Variants in WDR27 observed in about 807,000 individuals in gnomAD.
The protein encoded by WDR27 is WD repeat domain 27, also known as WD repeat-containing protein 27.
In WDR27, 100 loss-of-function variants were observed where a neutral mutation model predicts 114.4. The observed-to-expected ratio is 0.87, with a 90% CI of 0.74 to 1.03. WDR27 has a LOEUF of 1.03. Among genes scored for constraint, WDR27 ranks in the 50% least tolerant of loss-of-function variants. WDR27 has a pLI of 0.00. For missense variants in WDR27, 1,129 were observed against 1,092.9 expected (o/e 1.03, Z -0.47); for synonymous variants, 449 against 423.1 (o/e 1.06, Z -0.75).
At chr6:169,667,081 A>G in intron 6 of WDR27, 55 bp downstream of exon 6, 1 of 1,454,746 alleles carries the variant, frequency 6.9e-7, no homozygotes, top group Non-Finnish European at 9.0e-7. Flanking sequence ...TATGCTCTAG[A>G]AAAAGTGGGT....
At chr6:169,678,160 G>C (rs1780546355) in intron 2 of WDR27, among the ~76,000 whole-genome samples, 1 of 152,234 alleles carries the variant, frequency 6.6e-6, no homozygotes, top group African/African-American at 2.4e-5. Flanking sequence ...AGATATTCCA[G>C]CAGCTTACAC....
chr6:169,655,659 C>T (rs1220748202), intron 13 of WDR27, among the ~76,000 whole-genome samples: 1 of 152,152 alleles, frequency 6.6e-6, no homozygotes, highest in Non-Finnish European at 1.5e-5. Flanking sequence ...AGCTGGAGAC[C>T]CCCGAGGCTG....
chr6:169,639,236 G>T (rs948360209), intron 17 of WDR27, among the ~76,000 whole-genome samples: 1 of 152,000 alleles, frequency 6.6e-6, no homozygotes, highest in Non-Finnish European at 1.5e-5. Flanking sequence ...GTACTGCGTG[G>T]TGCTGGGTAC....
chr6:169,648,962 T>C (rs544126521), intron 15 of WDR27, among the ~76,000 whole-genome samples: 1 of 152,354 alleles, frequency 6.6e-6, no homozygotes, highest in Non-Finnish European at 1.5e-5. Context: ...TTAACAAAAA[T>C]TTATTATTTC....
intron 1 of WDR27, chr6:169,689,319 A>C (rs1375493483): frequency 1.8e-5 from 4 of 223,518 alleles, no homozygotes; most frequent in Non-Finnish European, 3.5e-5. Flanking sequence ...CTGTCAAATG[A>C]GAACAGTTAC....
chr6:169,667,824 T>C (rs953951381), intron 5 of WDR27, among the ~76,000 whole-genome samples, 158 bp downstream of exon 5: 5 of 152,218 alleles, frequency 3.3e-5, no homozygotes, highest in Admixed American at 6.5e-5. Context: ...GGCTTGGCGT[T>C]TCTGTGGAAA....
chr6:169,659,127 C>A lies in WDR27; in HGVS notation c.1278G>T (p.Gln426His). The A allele has an allele frequency of 6.2e-7, 1 of 1,608,086 alleles. No individual in the cohort carries two copies. The highest frequency in any genetic ancestry group is 8.5e-7 in the Non-Finnish European group (1 of 1,177,248). Residue 426 changes from glutamine (Q) to histidine (H), a missense_variant, in exon 12 of 26, where the codon CAG (glutamine) becomes CAT (histidine). Gln to His is a conservative substitution (Grantham distance 24, BLOSUM62 0). Transcript: ENST00000448612. This position sits in a 1 kb window ranked among gnomAD's most constrained non-coding sequence, Gnocchi z 4.3. ...EINPAALVRA[Q>H]QCPSMGQSLS... is the part of the protein sequence containing the mutation. ...GGCTCTGCCCCATGCTGGGGCACTGCTGAGCCCTGACTAGCGCGGCCGGGT... is the reference window on the plus strand; with the variant it reads ...GGCTCTGCCCCATGCTGGGGCACTGATGAGCCCTGACTAGCGCGGCCGGGT...
the WDR27 span, among the ~76,000 whole-genome samples, chr6:169,447,939 G>T: frequency 6.6e-6 from 1 of 152,126 alleles, no homozygotes. Flanking sequence ...CACCAAAAAT[G>T]ATACAACAGT....
In WDR27 at chr6:169,638,042, C is replaced by T. The variant is rs1007321016; in HGVS notation, c.1869+497G>A. Among the ~76,000 whole-genome samples the T allele has an allele frequency of 1.8e-4, 14 of 79,662 alleles. 3 individuals carry two copies. In the South Asian group the frequency reaches 2.0e-3, roughly 11 times the overall value. The allele number at this position is 79,662 out of a possible 152,430, so 52.3% of individuals were successfully genotyped here. On this transcript the variant is annotated intron_variant, in intron 18 of 25. Transcript: ENST00000448612. ...ACATTTAAGAAACTAATTGGCCGGGCGCGGTGGCTCACGCCTGTAATCCCA... is the reference window on the plus strand; with the variant it reads ...ACATTTAAGAAACTAATTGGCCGGGTGCGGTGGCTCACGCCTGTAATCCCA...
the WDR27 span, among the ~76,000 whole-genome samples, chr6:169,449,040 T>C: frequency 7.2e-5 from 11 of 152,338 alleles, no homozygotes; most frequent in Admixed American, 3.3e-4. Context: ...TCATATTTTC[T>C]ACGTTTAGTC....
At chr6:169,641,002 G>A (rs1414542507) in intron 17 of WDR27, among the ~76,000 whole-genome samples, 3 of 151,690 alleles carry the variant, frequency 2.0e-5, no homozygotes, top group Non-Finnish European at 4.4e-5. Context: ...TGTTTTTCTC[G>A]TCCTTCCCAC....
At chr6:169,433,306 G>T in the WDR27 span, among the ~76,000 whole-genome samples, 1 of 152,054 alleles carries the variant, frequency 6.6e-6, no homozygotes, top group South Asian at 2.1e-4. Flanking sequence ...TGTTCTCATT[G>T]TCCAACTCCC....
At chr6:169,601,336 C>T (rs1399582594) in intron 23 of WDR27, among the ~76,000 whole-genome samples, 1 of 152,196 alleles carries the variant, frequency 6.6e-6, no homozygotes, top group African/African-American at 2.4e-5. Context: ...TCAGCAGAAT[C>T]ATTTATTTCA....
rs139553273 is a variant in WDR27 at position 169,632,808 on chromosome 6, G to A, written c.2223+139C>T. ...TCCTAGGGTCAAACATCAAGGCTTC[G>A]AATAATTTAATGATCAATAAAAATT... On this transcript the variant is annotated intron_variant, in intron 21 of 25. Coordinates refer to ENST00000448612, the MANE Select transcript of WDR27 (RefSeq NM_182552.5). 8.6e-4 allele frequency: 701 copies of A among 816,582 alleles called. 2 individuals are homozygous for A. Among genetic ancestry groups the A allele is most frequent in the Middle Eastern group, 4.8e-3 (12 of 2,482 alleles). 50.6% of individuals were successfully genotyped at this position (816,582 alleles called of 1,614,324 possible).
intron 25 of WDR27, among the ~76,000 whole-genome samples, chr6:169,481,154 G>A (rs924483886): frequency 4.6e-5 from 7 of 151,456 alleles, no homozygotes; most frequent in Non-Finnish European, 7.4e-5. Context: ...GTTTGTAAAC[G>A]CACCAATCAG....
chr6:169,615,171 A>G (rs184770384), intron 21 of WDR27, among the ~76,000 whole-genome samples: 1 of 152,346 alleles, frequency 6.6e-6, no homozygotes, highest in Non-Finnish European at 1.5e-5. Flanking sequence ...ACTAAACTCA[A>G]CAAGGAAAAG....
At chr6:169,480,297 G>T (rs963130632) in intron 25 of WDR27, among the ~76,000 whole-genome samples, 1 of 152,204 alleles carries the variant, frequency 6.6e-6, no homozygotes, top group Admixed American at 6.5e-5. Context: ...GGGACCTGCA[G>T]CCTGACATGC....
At chr6:169,564,155 A>G (rs575519305) in intron 25 of WDR27, among the ~76,000 whole-genome samples, 1 of 152,356 alleles carries the variant, frequency 6.6e-6, no homozygotes, top group African/African-American at 2.4e-5. Flanking sequence ...GTGTAAGTCC[A>G]AGGTCCAAGA....
chr6:169,509,714 G>C (rs1792520879), intron 25 of WDR27, among the ~76,000 whole-genome samples: 1 of 151,898 alleles, frequency 6.6e-6, no homozygotes, highest in African/African-American at 2.4e-5. Context: ...CAGGACATAG[G>C]CATGGGCAAG....
Sources: allele counts gnomAD v4.1 joint callset (sites outside exome capture counted in the v4.1 genomes callset), GRCh38; gene constraint gnomAD v4.1.1; non-coding constraint Gnocchi (gnomAD v3.1); transcripts MANE v1.5; gene names NCBI Gene and HGNC (gene_info 2026-07-23, HGNC 2026-07-21).